The following ITGB1 variants were observed in gnomAD, a reference collection of about 807,000 sequenced individuals.
The protein encoded by ITGB1 is integrin beta-1.
ITGB1 carries 24 observed loss-of-function variants against 86.5 expected under a neutral mutation model. The ratio of observed to expected loss-of-function variants is 0.28; its 90% CI spans 0.20 to 0.39. ITGB1 has a LOEUF of 0.39. Ranked by LOEUF, ITGB1 falls within the 10% of genes least tolerant of loss-of-function variation. The pLI is 1.00. For missense variants in ITGB1, 556 were observed against 946.9 expected (o/e 0.59, Z 5.42); for synonymous variants, 323 against 316.8 (o/e 1.02, Z -0.21).
At chr10:32,939,912 G>A (rs1048626869) in intron 1 of ITGB1, among the ~76,000 whole-genome samples, 1 of 152,196 alleles carries the variant, frequency 6.6e-6, no homozygotes, top group African/African-American at 2.4e-5. Flanking sequence ...CAATGTCACT[G>A]TCTTGCGCCT....
intron 15 of ITGB1, chr10:32,907,265 AT>A (rs1210304059): frequency 6.3e-6 from 2 of 318,250 alleles, no homozygotes; most frequent in Non-Finnish European, 1.2e-5. Context: ...AATTTAAAAA[AT>A]TGATAATTTT....
In ITGB1 at chr10:32,921,138, G is replaced by C. The variant is rs146730393; in HGVS notation, c.1129-753C>G. On this transcript the variant is annotated intron_variant, in intron 9 of 15. Coordinates refer to ENST00000302278, the MANE Select transcript of ITGB1 (RefSeq NM_002211.4). ...AACTATGCAGTCTAGGAACAAATTT[G>C]CTTAAGGAACCATTGTAGCCCAGCC... Among the ~76,000 whole-genome samples the C allele has an allele frequency of 1.7e-3, 238 of 140,578 alleles. 2 individuals carry two copies. The highest frequency in any genetic ancestry group is 6.0e-3 in the African/African-American group (228 of 38,222). The allele number at this position is 140,578 out of a possible 152,430, so 92.2% of individuals were successfully genotyped here. A position where few individuals can be genotyped will look rare whatever the true frequency, so the allele number is the denominator to read the frequency against.
chr10:32,946,690 T>A (rs1197798902), intron 1 of ITGB1, among the ~76,000 whole-genome samples: 1 of 139,990 alleles, frequency 7.1e-6, no homozygotes, highest in Non-Finnish European at 1.5e-5. Context: ...TAAAAATCTG[T>A]CCTGTTTTTC....
chr10:32,952,194 T>G (rs1222148607), intron 1 of ITGB1, among the ~76,000 whole-genome samples: 2 of 152,128 alleles, frequency 1.3e-5, no homozygotes, highest in African/African-American at 4.8e-5. Flanking sequence ...ATATGAAAGC[T>G]CTTATCAGCA....
chr10:32,922,181 G>A (rs1469005405), intron 9 of ITGB1, 76 bp downstream of exon 9: 31 of 900,040 alleles, frequency 3.4e-5, no homozygotes, highest in Non-Finnish European at 5.3e-5. Context: ...GTGTATGAAG[G>A]AAGTTTTACT....
Position 32,908,348 on chromosome 10 carries a change from T to C in ITGB1, c.2331+20A>G, listed in dbSNP as rs1438381675. 5 of 1,613,086 alleles carry C rather than the reference T, an allele frequency of 3.1e-6. No individual in the cohort carries two copies. Among genetic ancestry groups the C allele is most frequent in the Non-Finnish European group, 4.2e-6 (5 of 1,179,062 alleles). ...TTTACTTTATAAGCCACTTTGCTTT[T>C]TGGATGTTTTGTAACTTACCGTGTC... is the stretch of plus-strand genomic sequence containing the variant. On this transcript the variant is annotated intron_variant, in intron 15 of 15. Coordinates refer to ENST00000302278, the MANE Select transcript of ITGB1 (RefSeq NM_002211.4).
intron 11 of ITGB1, among the ~76,000 whole-genome samples, chr10:32,917,402 G>C (rs1174676387): frequency 1.3e-5 from 2 of 152,172 alleles, no homozygotes; most frequent in African/African-American, 2.4e-5. Flanking sequence ...AGAGTGAACA[G>C]GCAACCTACA....
intron 1 of ITGB1, among the ~76,000 whole-genome samples, chr10:32,941,611 T>C (rs1400068325): frequency 6.6e-6 from 1 of 152,166 alleles, no homozygotes; most frequent in South Asian, 2.1e-4. Context: ...AGGCTAGTAA[T>C]ACCTCTACAT....
intron 11 of ITGB1, 137 bp downstream of exon 11, chr10:32,919,748 C>A (rs2094942831): frequency 1.5e-6 from 1 of 660,052 alleles, no homozygotes; most frequent in Non-Finnish European, 2.7e-6. Context: ...TCAAACTGAT[C>A]TTGTGGTGAG....
chr10:32,944,555 G>A (rs552484871), intron 1 of ITGB1: 16 of 469,778 alleles, frequency 3.4e-5, no homozygotes, highest in Middle Eastern at 6.7e-4. Flanking sequence ...GTTAGCTAAC[G>A]CTTTCATTGA....
chr10:32,957,109 A>C (rs977579418), intron 1 of ITGB1, among the ~76,000 whole-genome samples: 3 of 152,180 alleles, frequency 2.0e-5, no homozygotes, highest in African/African-American at 7.2e-5. Flanking sequence ...TACATGTAAA[A>C]TGCCTAGAGC....
At chr10:32,934,254 C>A (rs1213329976) in intron 2 of ITGB1, among the ~76,000 whole-genome samples, 2 of 149,852 alleles carry the variant, frequency 1.3e-5, no homozygotes, top group African/African-American at 4.9e-5. Flanking sequence ...AAAAAAGTGT[C>A]TGTACTGAAC....
At chr10:32,932,369 C>A (rs878981108) in intron 3 of ITGB1, 146 bp downstream of exon 3, 274 of 521,472 alleles carry the variant, frequency 5.3e-4, no homozygotes. Context: ...CTAGTGGCTA[C>A]TGTGTTGAAC....
intron 1 of ITGB1, among the ~76,000 whole-genome samples, chr10:32,957,457 G>A (rs2095054718): frequency 6.6e-6 from 1 of 152,120 alleles, no homozygotes; most frequent in Non-Finnish European, 1.5e-5. Flanking sequence ...AGGGACCGGC[G>A]ACTCTTGACG....
chr10:32,939,862 T>C (rs1193577945), intron 1 of ITGB1, among the ~76,000 whole-genome samples: 1 of 152,148 alleles, frequency 6.6e-6, no homozygotes, highest in Non-Finnish European at 1.5e-5. Context: ...ACACACTACA[T>C]TAGCCTAAAG....
At chr10:32,916,973 G>A (rs1235378927) in intron 11 of ITGB1, among the ~76,000 whole-genome samples, 1 of 152,148 alleles carries the variant, frequency 6.6e-6, no homozygotes, top group East Asian at 1.9e-4. Flanking sequence ...AAAACAGCAT[G>A]GTACTGGTAC....
At chr10:32,905,072 T>C (rs1469679022) in intron 15 of ITGB1, among the ~76,000 whole-genome samples, 4 of 150,950 alleles carry the variant, frequency 2.6e-5, no homozygotes, top group African/African-American at 9.7e-5. Flanking sequence ...GGCAATGTCA[T>C]TGGCTAATCA....
intron 5 of ITGB1, among the ~76,000 whole-genome samples, chr10:32,926,744 A>G (rs10827162): frequency 0.14 from 20,868 of 151,650 alleles, 1,718 homozygotes; most frequent in East Asian, 0.25. Context: ...ATAGCAACGT[A>G]AGAATAGACT....
intron 1 of ITGB1, chr10:32,935,772 T>C (rs1233152378): frequency 4.5e-6 from 2 of 440,630 alleles, no homozygotes; most frequent in Non-Finnish European, 4.1e-6. Context: ...ATAACTTCCA[T>C]ACCAGAGCCC....
Sources: gnomAD v4.1 joint callset for allele counts (sites outside exome capture counted in the v4.1 genomes callset) on GRCh38, gnomAD v4.1.1 for gene constraint, MANE v1.5 for transcripts, NCBI Gene and HGNC (gene_info 2026-07-23, HGNC 2026-07-21) for gene names.